SBF1: variants seen among roughly 807,000 people sequenced by gnomAD.
SBF1 encodes myotubularin-related protein 5.
Under a neutral mutation model 215.8 loss-of-function variants are expected in SBF1, and 65 were observed. The observed-to-expected ratio is 0.30, with a 90% CI of 0.25 to 0.37. SBF1 has a LOEUF of 0.37. Among genes scored for constraint, SBF1 ranks in the 10% least tolerant of loss-of-function variants. The pLI is 1.00. For missense variants in SBF1, 2,634 were observed against 2,667.8 expected, an observed-to-expected ratio of 0.99 and a Z score of 0.28; for synonymous variants, 1,410 against 1,122.8, an observed-to-expected ratio of 1.26 and a Z score of -5.11.
At chr22:50,463,183 C>A in intron 16 of SBF1, 100 bp downstream of exon 16, 1 of 1,489,440 alleles carries the variant, frequency 6.7e-7, no homozygotes, top group South Asian at 1.2e-5. Flanking sequence ...ACAGGAGTCT[C>A]TTGCACCGTC....
Position 50,465,031 on chromosome 22 carries a change from G to T in SBF1, c.1302C>A (p.Val434=). 1 of 1,614,052 alleles carries T rather than the reference G, an allele frequency of 6.2e-7. No homozygotes were observed. The highest frequency in any genetic ancestry group is 2.2e-5 in the East Asian group (1 of 44,884). Residue 434 remains valine (V), a synonymous_variant, in exon 12 of 41, where the codon GTC becomes GTA. Coordinates refer to ENST00000380817, the MANE Select transcript of SBF1 (RefSeq NM_002972.4). ...CGAACAGGTCCGTAGGGCGGTATGG[G>T]ACCCCACGCTCTGACACAAAGCCAG... ...AFAGFVSERG[V]PYRPTDLFDE... is the part of the protein sequence containing the mutation.
chr22:50,466,016 T>C lies in SBF1; in HGVS notation c.956A>G (p.His319Arg), dbSNP rs372068556. Residue 319 changes from histidine to arginine, a missense_variant, in exon 9 of 41, where the codon CAC (histidine) becomes CGC (arginine). Transcript: ENST00000380817. Reference sequence around the variant, plus strand: ...CAGTGGCTCTGGCAAGGGTGGAATGTGCACACACTCAGGAATGGTGACCGT... The same window carrying C: ...CAGTGGCTCTGGCAAGGGTGGAATGCGCACACACTCAGGAATGGTGACCGT... ...GGTVTIPECVHIPPLPEPLQS... is the reference protein window; with the variant it reads ...GGTVTIPECVRIPPLPEPLQS... 1.0e-4 allele frequency: 165 copies of C among 1,613,862 alleles called. 1 individual carries two copies. In the Middle Eastern group the frequency reaches 1.2e-3, roughly 11 times the overall value.
At chr22:50,465,371 TC>T in intron 10 of SBF1, 43 bp from the exon 11 acceptor site, 1 of 1,511,288 alleles carries the variant, frequency 6.6e-7, no homozygotes, top group Non-Finnish European at 9.0e-7. Context: ...GTCCTGCCAA[TC>T]CCCACCCCAG....
chr22:50,456,021 C>G (rs2067231910), intron 31 of SBF1, 195 bp downstream of exon 31: 1 of 629,912 alleles, frequency 1.6e-6, no homozygotes, highest in Admixed American at 3.1e-5. Context: ...GCCACTCTCA[C>G]TGTCAGCTGG....
In SBF1 at chr22:50,460,000, T is replaced by C. The variant is rs1231667508; in HGVS notation, c.3443A>G (p.Glu1148Gly). Residue 1148 changes from glutamate (E) to glycine (G), a missense_variant, in exon 26 of 41, where the codon GAG (glutamate) becomes GGG (glycine). Physicochemically the swap from Glu to Gly is moderately conservative, Grantham distance 98 (BLOSUM62 -2). Coordinates refer to ENST00000380817, the MANE Select transcript of SBF1 (RefSeq NM_002972.4). ...LSSSLSRAKS[E>G]PFRISPVNRM... ...GTTGACCGGAGAAATGCGGAAGGGCTCAGACTTGGCCCGGCTCAGGCTGCT... is the reference window on the plus strand; with the variant it reads ...GTTGACCGGAGAAATGCGGAAGGGCCCAGACTTGGCCCGGCTCAGGCTGCT... 5 of 1,613,806 alleles carry C rather than the reference T, an allele frequency of 3.1e-6. No individual in the cohort carries two copies. The highest frequency in any genetic ancestry group is 4.2e-6 in the Non-Finnish European group (5 of 1,179,964).
rs983084409 is a variant in SBF1, at chr22:50,446,979, C to CAGGCG, written c.*162_*163insCGCCT. ...GACGCCAAAATAAGTTAGGGCCGGC[C>CAGGCG]GGGCGGGGCGGGGCGGGGACGGGGG... On this transcript the variant is annotated 3_prime_UTR_variant, in exon 41 of 41. Coordinates refer to ENST00000380817, the MANE Select transcript of SBF1 (RefSeq NM_002972.4). The CAGGCG allele has an allele frequency of 6.9e-6, 5 of 720,558 alleles. No homozygotes were observed. The African/African-American group carries it at 8.9e-5, about 13-fold the overall frequency. The allele number at this position is 720,558 out of a possible 1,614,324, so 44.6% of individuals were successfully genotyped here. A position where few individuals can be genotyped will look rare whatever the true frequency, so the allele number is the denominator to read the frequency against.
intron 19 of SBF1, 27 bp from the exon 20 acceptor site, chr22:50,462,146 T>G: frequency 6.2e-7 from 1 of 1,610,276 alleles, no homozygotes; most frequent in Non-Finnish European, 8.5e-7. Context: ...ACTGTGGGCA[T>G]GGGCCCTGCC....
Position 50,456,564 on chromosome 22 carries a change from GC to G in SBF1, c.4013del (p.Gly1338AlafsTer48). 6.4e-7 allele frequency: 1 copy of G among 1,573,694 alleles called. No individual in the cohort carries two copies. The highest frequency in any genetic ancestry group is 1.3e-5 in the African/African-American group (1 of 74,188). Reference sequence around the variant, plus strand: ...GACGCAGGAAGCCCGGGTCGGGAGGGCCCCCGTTGGCCTGGGGTGGGGCCAG... The same window carrying G: ...GACGCAGGAAGCCCGGGTCGGGAGGGCCCCGTTGGCCTGGGGTGGGGCCAG... ...DALAPPQANG[G>X]PPDPGFLRPQ... is the part of the protein sequence containing the mutation. On this transcript the variant is annotated frameshift_variant, in exon 30 of 41. Coordinates refer to ENST00000380817, the MANE Select transcript of SBF1 (RefSeq NM_002972.4). LOFTEE classifies it high-confidence loss of function.
intron 10 of SBF1, 24 bp from the exon 11 acceptor site, chr22:50,465,352 T>C: frequency 6.5e-7 from 1 of 1,546,038 alleles, no homozygotes; most frequent in Non-Finnish European, 8.8e-7. Context: ...TGAGTGCAGG[T>C]GAGAGCCAGT....
chr22:50,458,122 A>G (rs1299112563), intron 28 of SBF1, among the ~76,000 whole-genome samples: 1 of 151,822 alleles, frequency 6.6e-6, no homozygotes, highest in African/African-American at 2.4e-5. Context: ...ACACGGTAAA[A>G]CCCTGTCTCT....
rs1387209897 is a variant in SBF1 at position 50,474,442 on chromosome 22, G to A, written c.55+344C>T. ...AGCCCGTCCCACCCCAAGGAGGCCGGGCAGGCCGGGCCCAGCCTTCTCTCC... is the reference window on the plus strand; with the variant it reads ...AGCCCGTCCCACCCCAAGGAGGCCGAGCAGGCCGGGCCCAGCCTTCTCTCC... On this transcript the variant is annotated intron_variant, in intron 1 of 40. Transcript: ENST00000380817. Among the ~76,000 whole-genome samples, 5 of 152,324 alleles carry A rather than the reference G, an allele frequency of 3.3e-5. No homozygotes were observed. In the East Asian group the frequency reaches 7.7e-4, roughly 24 times the overall value.
In SBF1 at chr22:50,448,440, G is replaced by A; in HGVS notation, c.5156C>T (p.Thr1719Ile). 1.9e-6 allele frequency: 3 copies of A among 1,613,660 alleles called. No individual in the cohort carries two copies. Among genetic ancestry groups the A allele is most frequent in the Non-Finnish European group, 2.5e-6 (3 of 1,179,898 alleles). ...GGTGGACACAAGGAGGGAGCTAGGG[G>A]TGCCCTGGGAACAGGAGGTTGGGAC... ...RLEGRPDGRGTPSSLLVSTAP... is the reference protein window; with the variant it reads ...RLEGRPDGRGIPSSLLVSTAP... The change falls in exon 38 of 41, where the codon ACC (threonine) becomes ATC (isoleucine). Residue 1719 changes from threonine (T) to isoleucine (I), a missense_variant. Transcript: ENST00000380817.
chr22:50,471,263 C>T (rs1024280213), intron 1 of SBF1, among the ~76,000 whole-genome samples: 11 of 152,232 alleles, frequency 7.2e-5, no homozygotes, highest in Admixed American at 5.9e-4. Flanking sequence ...CTGAAAGCCC[C>T]TCAAAGAGCA....
intron 29 of SBF1, 38 bp downstream of exon 29, chr22:50,456,996 G>C (rs1012439061): frequency 1.4e-6 from 2 of 1,389,958 alleles, no homozygotes; most frequent in African/African-American, 3.0e-5. Context: ...CCAGCACCAA[G>C]TAAGGGGAGG....
chr22:50,466,296 G>A (rs371022910), intron 7 of SBF1, 38 bp from the exon 8 acceptor site: 61 of 1,611,446 alleles, frequency 3.8e-5, no homozygotes, highest in Non-Finnish European at 4.7e-5. Flanking sequence ...GCCAGGGGAC[G>A]CGGCTGGGCA....
At chr22:50,448,791 A>G (rs1371940287) in intron 36 of SBF1, 141 bp from the exon 37 acceptor site, 2 of 634,782 alleles carry the variant, frequency 3.2e-6, no homozygotes, top group African/African-American at 1.8e-5. Flanking sequence ...AGGTGGCAAG[A>G]GGGAGGGAAG....
At chr22:50,461,025 G>A (rs1187484444) in intron 23 of SBF1, 134 bp downstream of exon 23, 2 of 1,200,552 alleles carry the variant, frequency 1.7e-6, no homozygotes, top group East Asian at 2.5e-5. Context: ...CACAGTGAGG[G>A]CCCCAGACAT....
rs1447167857 is a variant in SBF1 at position 50,448,317 on chromosome 22, G to A, written c.5279C>T (p.Ser1760Leu). Residue 1760 changes from serine to leucine, a missense_variant, in exon 38 of 41, where the codon TCA becomes TTA. Transcript: ENST00000380817. ...LSLDSDQSSG[S>L]TTSGSRQAAR... The stretch of plus-strand genomic sequence containing the variant: ...AGCCTGACGGGAGCCGGATGTGGTT[G>A]AGCCACTACTCTGGTCGCTGTCCAG... The A allele has an allele frequency of 3.1e-6, 5 of 1,613,676 alleles. No homozygotes were observed. The South Asian group carries it at 5.5e-5, about 18-fold the overall frequency.
At chr22:50,454,792 C>T (rs761676884) in intron 35 of SBF1, 22 bp downstream of exon 35, 27 of 1,611,790 alleles carry the variant, frequency 1.7e-5, no homozygotes, top group Non-Finnish European at 2.5e-6. Context: ...GAGCCGCCTA[C>T]CCGACCCAGG....
Sources: gnomAD v4.1 joint callset for allele counts (sites outside exome capture counted in the v4.1 genomes callset) on GRCh38, gnomAD v4.1.1 for gene constraint, MANE v1.5 for transcripts, NCBI Gene and HGNC (gene_info 2026-07-23, HGNC 2026-07-21) for gene names.